Variants in PCSK4 observed in about 807,000 individuals in gnomAD.
PCSK4 encodes testicular tissue protein Li 135.
In PCSK4, 64 loss-of-function variants were observed where a neutral mutation model predicts 80.3. The observed-to-expected ratio is 0.80, with a 90% CI of 0.65 to 0.98. The LOEUF (loss-of-function observed/expected upper bound fraction) is 0.98. PCSK4 is among the 50% of genes least tolerant of loss of function. The pLI is 0.00. For missense variants in PCSK4, 1,213 were observed against 1,093.6 expected (o/e 1.11, Z -1.54); for synonymous variants, 561 against 487.6 (o/e 1.15, Z -1.98).
intron 12 of PCSK4, 51 bp downstream of exon 12, chr19:1,483,233 C>T (rs749029573): frequency 5.5e-6 from 8 of 1,461,540 alleles, no homozygotes; most frequent in African/African-American, 2.8e-5. Flanking sequence ...TAGATGGCAG[C>T]GTTTACCGAC....
At chr19:1,489,737 GC>G (rs61015647) in intron 2 of PCSK4, 55 bp downstream of exon 2, 89,536 of 1,555,728 alleles carry the variant, frequency 0.058, 3,086 homozygotes, top group African/African-American at 0.15. Flanking sequence ...ATGGCTGGTG[GC>G]CCCAGGAGGC....
At chr19:1,481,976 A>G (rs1013131967) in exon 15 of PCSK4, 1 of 1,596,234 alleles carries the variant, frequency 6.3e-7, no homozygotes, top group African/African-American at 1.3e-5. Context: ...GGTGGGTCCC[A>G]TGCAGGAGCC....
At chr19:1,486,893 G>T in exon 8 of PCSK4, 4 of 1,600,814 alleles carry the variant, frequency 2.5e-6, no homozygotes, top group Non-Finnish European at 3.4e-6. Flanking sequence ...GTAGGTGGTG[G>T]TGAGGGTGGA....
In PCSK4 at chr19:1,481,736, G is replaced by T. The variant is rs2084302152; in HGVS notation, c.*23C>A. ...CTGTCAGGGACCCAGGCGGGGGCAA[G>T]GTCGCTTTCTGAGCTGACAACTTCA... On this transcript the variant is annotated 3_prime_UTR_variant, in exon 15 of 15. Transcript: ENST00000300954. 2.0e-6 allele frequency: 3 copies of T among 1,475,902 alleles called. No homozygotes were observed. In the South Asian group the frequency reaches 4.2e-5, roughly 21 times the overall value. The allele number at this position is 1,475,902 out of a possible 1,614,324, so 91.4% of individuals were successfully genotyped here. A position where few individuals can be genotyped will look rare whatever the true frequency, so the allele number is the denominator to read the frequency against.
chr19:1,483,495 C>T (rs1314412581), intron 11 of PCSK4, 32 bp from the exon 12 acceptor site: 12 of 935,118 alleles, frequency 1.3e-5, no homozygotes, highest in Non-Finnish European at 1.7e-5. Flanking sequence ...GACCCTCCTG[C>T]GGCCTGCTGG....
intron 8 of PCSK4, among the ~76,000 whole-genome samples, chr19:1,484,745 AGAGGTTGCAGT>A (rs1189670316): frequency 1.3e-5 from 2 of 151,700 alleles, no homozygotes; most frequent in Admixed American, 6.6e-5. Context: ...CCTAGGAGGC[AGAGGTTGCAGT>A]GAGCCAAGAT....
chr19:1,488,523 C>T (rs774939217), intron 2 of PCSK4, among the ~76,000 whole-genome samples: 2 of 151,818 alleles, frequency 1.3e-5, no homozygotes, highest in Admixed American at 1.3e-4. Flanking sequence ...GGTCCCCACC[C>T]CACTCTCTCC....
chr19:1,484,139 G>A lies in PCSK4; in HGVS notation c.1069-12C>T, dbSNP rs940681343. The A allele has an allele frequency of 1.3e-6, 2 of 1,500,952 alleles. No individual in the cohort carries two copies. Among genetic ancestry groups the A allele is most frequent in the Non-Finnish European group, 9.0e-7 (1 of 1,105,912 alleles). The allele number at this position is 1,500,952 out of a possible 1,614,324, so 93.0% of individuals were successfully genotyped here. On this transcript the variant is annotated splice_polypyrimidine_tract_variant and intron_variant, in intron 8 of 14. Coordinates refer to ENST00000300954, the Ensembl canonical transcript of PCSK4. ...AGGTCCGTGGTGACCTGAGGGCAGA[G>A]GGGGGTGGGACTCGGGGGGCCGTGC...
intron 8 of PCSK4, 132 bp downstream of exon 8, chr19:1,486,721 C>T (rs367740333): frequency 1.8e-4 from 135 of 758,154 alleles, no homozygotes; most frequent in Non-Finnish European, 2.6e-4. Context: ...TGTGAGCCAC[C>T]GTGCTCGGCC....
At chr19:1,487,249 C>A in exon 7 of PCSK4, 1 of 1,604,532 alleles carries the variant, frequency 6.2e-7, no homozygotes, top group East Asian at 2.2e-5. Context: ...GGATGTGCTG[C>A]GGCTGCAGGC....
At chr19:1,486,944 G>A (rs1280076017) in exon 8 of PCSK4, 2 of 1,607,244 alleles carry the variant, frequency 1.2e-6, no homozygotes, top group South Asian at 1.1e-5. Context: ...GCCCTGCTGG[G>A]TGGTGCTGCC....
exon 2 of PCSK4, chr19:1,489,825 C>T (rs2084844127): frequency 2.5e-6 from 4 of 1,610,272 alleles, no homozygotes; most frequent in Admixed American, 1.7e-5. Flanking sequence ...AGGCGGTGGC[C>T]CCAGTGCGGG....
rs1192830801 is a variant in PCSK4 at position 1,482,702 on chromosome 19, TTAC to T, written c.1696+191_1696+193del. ...TCACTGGGCACCTACATCTCCCGTG[TTAC>T]CGCACACCTACTGTGTGCCTGTCAT... is the stretch of plus-strand genomic sequence containing the variant. On this transcript the variant is annotated intron_variant, in intron 13 of 14. Transcript: ENST00000300954. 358 of 751,256 alleles carry T rather than the reference TTAC, an allele frequency of 4.8e-4. 1 individual carries two copies. Among genetic ancestry groups the T allele is most frequent in the Admixed American group, 3.9e-3 (149 of 37,732 alleles). The allele number at this position is 751,256 out of a possible 1,614,324, so 46.5% of individuals were successfully genotyped here.
At chr19:1,481,748 A>G (rs779756459) in exon 15 of PCSK4, 1 of 1,499,360 alleles carries the variant, frequency 6.7e-7, no homozygotes, top group Non-Finnish European at 8.9e-7. Flanking sequence ...TCGCTTTCTG[A>G]GCTGACAACT....
chr19:1,490,405 T>G (rs974336571), exon 1 of PCSK4: 3 of 678,186 alleles, frequency 4.4e-6, no homozygotes, highest in African/African-American at 1.9e-5. Context: ...AACCGCCGAG[T>G]GGGCCCAGGC....
chr19:1,487,011 G>C (rs201292810), exon 8 of PCSK4: 2 of 1,609,028 alleles, frequency 1.2e-6, no homozygotes, highest in African/African-American at 2.7e-5. Flanking sequence ...TTGTCGTAGT[G>C]CAGGCCGCCG....
At chr19:1,483,869 C>T (rs1432594395) in exon 10 of PCSK4, 2 of 1,497,762 alleles carry the variant, frequency 1.3e-6, no homozygotes. Context: ...TCCTCCAGTC[C>T]TCGGCCTGCA....
At chr19:1,487,180 G>A (rs1481584212) in exon 7 of PCSK4, 1 of 1,607,744 alleles carries the variant, frequency 6.2e-7, no homozygotes. Flanking sequence ...GGGTGAGGAT[G>A]CCGGGGCCGT....
intron 2 of PCSK4, among the ~76,000 whole-genome samples, chr19:1,489,162 C>G (rs998997731): frequency 2.1e-5 from 3 of 141,220 alleles, no homozygotes; most frequent in African/African-American, 8.0e-5. Context: ...GACGGAGTCT[C>G]GCTCTGTCGC....
Sources: allele counts gnomAD v4.1 joint callset (sites outside exome capture counted in the v4.1 genomes callset), GRCh38; gene constraint gnomAD v4.1.1; transcripts MANE v1.5; gene names NCBI Gene and HGNC (gene_info 2026-07-23, HGNC 2026-07-21).